The following SEPTIN9 variants were observed in gnomAD, a reference collection of about 807,000 sequenced individuals.
The protein encoded by SEPTIN9 is septin 9.
In SEPTIN9, 13 loss-of-function variants were observed where a neutral mutation model predicts 56.6. The ratio of observed to expected loss-of-function variants is 0.23; its 90% CI spans 0.15 to 0.37. The LOEUF (loss-of-function observed/expected upper bound fraction) is 0.37. SEPTIN9 is among the 10% of genes least tolerant of loss of function. The pLI is 1.00. For synonymous variants in SEPTIN9, 332 were observed against 334.1 expected (o/e 0.99, Z 0.07); for missense variants, 650 against 823.1 (o/e 0.79, Z 2.57).
At chr17:77,301,394 TTGTGTGTGTGTGTGTG>T (rs56947697) in intron 1 of SEPTIN9, among the ~76,000 whole-genome samples, 26 of 142,518 alleles carry the variant, frequency 1.8e-4, no homozygotes, top group East Asian at 1.7e-3. Context: ...GGGAATAGAT[TTGTGTGTGTGTGTGTG>T]TGTGTGTGTG....
At chr17:77,391,768 G>A (rs2035549764) in intron 2 of SEPTIN9, among the ~76,000 whole-genome samples, 1 of 152,214 alleles carries the variant, frequency 6.6e-6, no homozygotes, top group African/African-American at 2.4e-5. Flanking sequence ...CTGGAGGGAT[G>A]AGACTGTAGC....
Position 77,433,061 on chromosome 17 carries a change from G to A in SEPTIN9, c.721+30358G>A, listed in dbSNP as rs760486276. 1.3e-5 allele frequency among the ~76,000 whole-genome samples: 2 copies of A among 152,174 alleles called. No homozygotes were observed. The highest frequency in any genetic ancestry group is 6.5e-5 in the Admixed American group (1 of 15,286). ...CTCCCGCTGTGCTCTCAGCTGCTCC[G>A]ACAGGATGCTTTTGGCCTGAGAGAC... On this transcript the variant is annotated intron_variant, in intron 3 of 11. Coordinates refer to ENST00000427177, the MANE Select transcript of SEPTIN9 (RefSeq NM_001113491.2). This position sits in a 1 kb window ranked among gnomAD's most constrained non-coding sequence, Gnocchi z 6.4.
At position 77,379,191 on chromosome 17, in the gene SEPTIN9, C is replaced by T. The variant is rs972951898; in HGVS notation, c.77-22868C>T. On this transcript the variant is annotated intron_variant, in intron 2 of 11. Transcript: ENST00000427177. Reference sequence around the variant, plus strand: ...AAGGCTGCGTGCTGCTTGCCCAGCCCGTGGACCCATCCACTGAGCACCCCC... The same window carrying T: ...AAGGCTGCGTGCTGCTTGCCCAGCCTGTGGACCCATCCACTGAGCACCCCC... Among the ~76,000 whole-genome samples, 37 of 152,150 alleles carry T rather than the reference C, an allele frequency of 2.4e-4. 3 individuals carry two copies. The highest frequency in any genetic ancestry group is 2.1e-3 in the Admixed American group (32 of 15,290).
chr17:77,488,412 CG>C, intron 6 of SEPTIN9, 91 bp downstream of exon 6: 1 of 1,247,416 alleles, frequency 8.0e-7, no homozygotes, highest in East Asian at 2.4e-5. Context: ...TCCCGGCCCG[CG>C]GGGGTGCAGG....
At chr17:77,407,933 G>C (rs555572066) in intron 3 of SEPTIN9, among the ~76,000 whole-genome samples, 33 of 152,332 alleles carry the variant, frequency 2.2e-4, no homozygotes, top group African/African-American at 7.9e-4. Flanking sequence ...GCAGCACCCA[G>C]TACTGAGCCT....
At chr17:77,471,835 C>T (rs749816907) in intron 3 of SEPTIN9, among the ~76,000 whole-genome samples, 4 of 152,180 alleles carry the variant, frequency 2.6e-5, no homozygotes, top group Non-Finnish European at 4.4e-5. Context: ...AGGTAGGGGC[C>T]GCTCCTGCTG....
intron 2 of SEPTIN9, among the ~76,000 whole-genome samples, chr17:77,314,965 T>C (rs2032643051): frequency 6.6e-6 from 1 of 152,190 alleles, no homozygotes; most frequent in Admixed American, 6.5e-5. Flanking sequence ...ACCTGGCTCC[T>C]ACTGGGCCCC....
chr17:77,495,891 A>G (rs749176134), intron 10 of SEPTIN9, among the ~76,000 whole-genome samples: 5 of 152,214 alleles, frequency 3.3e-5, no homozygotes, highest in Non-Finnish European at 1.5e-5. Flanking sequence ...GGGAAAAGCC[A>G]TGTGGCTCTG....
In SEPTIN9 at chr17:77,326,486, A is replaced by G. The variant is rs2033146169; in HGVS notation, c.76+19289A>G. On this transcript the variant is annotated intron_variant, in intron 2 of 11. Transcript: ENST00000427177. The surrounding 1 kb of genome is among the most constrained non-coding windows in gnomAD (Gnocchi z 5.1). The stretch of plus-strand genomic sequence containing the variant: ...AGGGGAGTAAACCAGGCTCAAACCC[A>G]GCAGGCAGAGGCGATCGCTGCAGGC... Among the ~76,000 whole-genome samples the G allele has an allele frequency of 6.6e-6, 1 of 152,216 alleles. No homozygotes were observed. The highest frequency in any genetic ancestry group is 6.5e-5 in the Admixed American group (1 of 15,280).
intron 3 of SEPTIN9, among the ~76,000 whole-genome samples, chr17:77,467,639 G>A (rs1391688328): frequency 6.6e-6 from 1 of 152,210 alleles, no homozygotes; most frequent in African/African-American, 2.4e-5. Context: ...TTAATGCTTT[G>A]TGGCTCCAGA....
rs578167046 is a variant in SEPTIN9, at chr17:77,382,832, C to T, written c.77-19227C>T. ...AGAGGGAGGAGGGTGGAGGCAAAGG[C>T]GAGGGAGGAGGGTGGAAGCAAAGGC... On this transcript the variant is annotated intron_variant, in intron 2 of 11. Coordinates refer to ENST00000427177, the MANE Select transcript of SEPTIN9 (RefSeq NM_001113491.2). 9.9e-4 allele frequency among the ~76,000 whole-genome samples: 151 copies of T among 152,110 alleles called. 1 individual carries two copies. Among genetic ancestry groups the T allele is most frequent in the African/African-American group, 3.2e-3 (134 of 41,492 alleles).
chr17:77,324,251 C>T (rs2033049878), intron 2 of SEPTIN9, among the ~76,000 whole-genome samples: 1 of 152,238 alleles, frequency 6.6e-6, no homozygotes, highest in Non-Finnish European at 1.5e-5. Flanking sequence ...ATAACGTCTG[C>T]AAAGACCCTT....
At chr17:77,484,845 TGGTGGTGA>T in intron 4 of SEPTIN9, among the ~76,000 whole-genome samples, 2 of 143,628 alleles carry the variant, frequency 1.4e-5, no homozygotes, top group Admixed American at 6.8e-5. Context: ...GTGGTTGTGA[TGGTGGTGA>T]TGTGGGTGGT....
intron 3 of SEPTIN9, among the ~76,000 whole-genome samples, chr17:77,406,222 C>G (rs1368295478): frequency 1.3e-5 from 2 of 152,210 alleles, no homozygotes; most frequent in Admixed American, 1.3e-4. Flanking sequence ...TCCTGCTCAG[C>G]TCACACCTCT....
chr17:77,373,779 C>T, intron 2 of SEPTIN9: 1 of 733,096 alleles, frequency 1.4e-6, no homozygotes, highest in Non-Finnish European at 2.0e-6. Flanking sequence ...ACCCTGCGCG[C>T]CCTCACAGGA....
intron 3 of SEPTIN9, among the ~76,000 whole-genome samples, chr17:77,426,467 G>A (rs978828448): frequency 6.6e-6 from 1 of 152,092 alleles, no homozygotes; most frequent in Non-Finnish European, 1.5e-5. Flanking sequence ...CTGTGCTTGG[G>A]GCGCTGACTC....
At chr17:77,424,944 A>T (rs933267267) in intron 3 of SEPTIN9, among the ~76,000 whole-genome samples, 1 of 152,192 alleles carries the variant, frequency 6.6e-6, no homozygotes, top group African/African-American at 2.4e-5. Context: ...TGCTCTGCTC[A>T]GATTCTGAGC....
intron 2 of SEPTIN9, among the ~76,000 whole-genome samples, chr17:77,341,289 G>A (rs567411455): frequency 6.6e-6 from 1 of 152,296 alleles, no homozygotes; most frequent in East Asian, 1.9e-4. Flanking sequence ...AGAGGCCATT[G>A]TAGGGTTATT....
chr17:77,441,942 C>T (rs925253748), intron 3 of SEPTIN9, among the ~76,000 whole-genome samples: 2 of 152,116 alleles, frequency 1.3e-5, no homozygotes, highest in African/African-American at 2.4e-5. Context: ...ATTTTTGTAG[C>T]GGGGAAGAAA....
Sources: allele counts gnomAD v4.1 joint callset (sites outside exome capture counted in the v4.1 genomes callset), GRCh38; gene constraint gnomAD v4.1.1; non-coding constraint Gnocchi (gnomAD v3.1); transcripts MANE v1.5; gene names NCBI Gene and HGNC (gene_info 2026-07-23, HGNC 2026-07-21).